Variants in TAF5L observed in about 807,000 individuals in gnomAD.
TAF5L encodes TAF5-like RNA polymerase II p300/CBP-associated factor-associated factor 65 kDa subunit 5L.
A neutral mutation model predicts 51.3 loss-of-function variants in TAF5L; 7 were observed. The observed-to-expected ratio is 0.14, with a 90% CI of 0.08 to 0.26. TAF5L has a LOEUF of 0.26. Ranked by LOEUF, TAF5L falls within the 10% of genes least tolerant of loss-of-function variation. The pLI, the probability that TAF5L is intolerant of heterozygous loss-of-function variation, is 1.00. For synonymous variants in TAF5L, 291 were observed against 308.1 expected, an observed-to-expected ratio of 0.94 and a Z score of 0.58; for missense variants, 575 against 758.9, an observed-to-expected ratio of 0.76 and a Z score of 2.85.
At chr1:229,595,366 A>C (rs1664082276) in intron 4 of TAF5L, among the ~76,000 whole-genome samples, 1 of 152,256 alleles carries the variant, frequency 6.6e-6, no homozygotes, top group East Asian at 1.9e-4. Flanking sequence ...ACAGAAATGC[A>C]AGGCCATTAC....
chr1:229,596,179 T>TAGG (rs1009414653), intron 4 of TAF5L, among the ~76,000 whole-genome samples: 1 of 151,926 alleles, frequency 6.6e-6, no homozygotes, highest in African/African-American at 2.4e-5. Flanking sequence ...GAGGCTAAGG[T>TAGG]AGGAGGCTCA....
At chr1:229,607,431 C>T (rs1439997834) in intron 3 of TAF5L, 4 of 985,286 alleles carry the variant, frequency 4.1e-6, no homozygotes, top group Non-Finnish European at 4.8e-6. Flanking sequence ...CACAACAAAG[C>T]CTTAGTTGTT....
At chr1:229,603,210 T>C (rs1353257847) in intron 3 of TAF5L, among the ~76,000 whole-genome samples, 1 of 152,208 alleles carries the variant, frequency 6.6e-6, no homozygotes, top group Non-Finnish European at 1.5e-5. Flanking sequence ...AACAATACAG[T>C]GGCTTGTACC....
Position 229,608,317 on chromosome 1 carries a change from A to G in TAF5L, c.247+1789T>C, listed in dbSNP as rs889532812. Among the ~76,000 whole-genome samples, 8 of 152,348 alleles carry G rather than the reference A, an allele frequency of 5.3e-5. No individual in the cohort carries two copies. The South Asian group carries it at 1.2e-3, about 24-fold the overall frequency. Reference sequence around the variant, plus strand: ...TCATGGTTGTTGGGTGACAGAATTCATAAGTAGAGAATAGTCTGTTTAATA... The same window carrying G: ...TCATGGTTGTTGGGTGACAGAATTCGTAAGTAGAGAATAGTCTGTTTAATA... On this transcript the variant is annotated intron_variant, in intron 3 of 4. Coordinates refer to ENST00000258281, the Ensembl canonical transcript of TAF5L.
At chr1:229,610,872 A>G (rs922788009) in intron 2 of TAF5L, among the ~76,000 whole-genome samples, 14 of 152,092 alleles carry the variant, frequency 9.2e-5, no homozygotes, top group Admixed American at 9.2e-4. Context: ...TTTCATTCTC[A>G]ACATTCTCTT....
chr1:229,597,426 T>C (rs1664166699), intron 4 of TAF5L, among the ~76,000 whole-genome samples: 1 of 152,224 alleles, frequency 6.6e-6, no homozygotes. Context: ...CAGCTGACTC[T>C]GTAGACCAAG....
chr1:229,595,183 A>G, intron 4 of TAF5L, 89 bp from the exon 5 acceptor site: 2 of 1,379,136 alleles, frequency 1.5e-6, no homozygotes, highest in Non-Finnish European at 9.8e-7. Flanking sequence ...GAGAAAAAAA[A>G]GTAGAGAACT....
rs765578368 is a variant in TAF5L at position 229,602,547 on chromosome 1, T to C, written c.620A>G (p.Tyr207Cys). ...GGAGCTGCCACTGGCATACAGCTGA[T>C]AGTCTGTTCTCTTGGCAGGCTGCAC... is the stretch of plus-strand genomic sequence containing the variant. Residue 207 changes from tyrosine to cysteine, a missense_variant, in exon 4 of 5, where the codon TAT becomes TGT. By Grantham distance (194) the Tyr-to-Cys change is radical. Coordinates refer to ENST00000258281, the Ensembl canonical transcript of TAF5L. This position sits in a 1 kb window ranked among gnomAD's most constrained non-coding sequence, Gnocchi z 4.6. 6.2e-7 allele frequency: 1 copy of C among 1,614,200 alleles called. No individual in the cohort carries two copies. Among genetic ancestry groups the C allele is most frequent in the Non-Finnish European group, 8.5e-7 (1 of 1,180,028 alleles).
At chr1:229,613,840 A>C (rs1664875944) in intron 2 of TAF5L, among the ~76,000 whole-genome samples, 1 of 152,226 alleles carries the variant, frequency 6.6e-6, no homozygotes, top group Non-Finnish European at 1.5e-5. Context: ...AAAACATTAA[A>C]AAACAAAAAC....
chr1:229,609,105 A>G (rs1365365825), intron 3 of TAF5L, among the ~76,000 whole-genome samples: 4 of 152,202 alleles, frequency 2.6e-5, no homozygotes, highest in African/African-American at 4.8e-5. Flanking sequence ...CAGGATAGAT[A>G]TTGTCCTAAG....
chr1:229,600,140 G>A, intron 4 of TAF5L: 1 of 985,184 alleles, frequency 1.0e-6, no homozygotes, highest in Non-Finnish European at 1.2e-6. Flanking sequence ...AATTTTCACT[G>A]GAGAAACATT....
In TAF5L at chr1:229,600,940, G is replaced by A. The variant is rs745543264; in HGVS notation, c.972+1255C>T. The stretch of plus-strand genomic sequence containing the variant: ...TTTTTTTTTGTATTTACAGAAAATC[G>A]AAAGCAAATGCAGGCAGTATTCCTC... On this transcript the variant is annotated intron_variant, in intron 4 of 4. Transcript: ENST00000258281. 41 of 985,210 alleles carry A rather than the reference G, an allele frequency of 4.2e-5. 1 individual carries two copies. The Admixed American group carries it at 2.0e-3, about 49-fold the overall frequency. 61.0% of individuals were successfully genotyped at this position (985,210 alleles called of 1,614,324 possible).
chr1:229,599,824 C>A, intron 4 of TAF5L: 2 of 985,336 alleles, frequency 2.0e-6, no homozygotes, highest in Non-Finnish European at 2.4e-6. Context: ...GTGTGAACAC[C>A]GTTTCAAATA....
chr1:229,600,622 C>T lies in TAF5L; in HGVS notation c.972+1573G>A, dbSNP rs543735193. 131 of 985,448 alleles carry T rather than the reference C, an allele frequency of 1.3e-4. No homozygotes were observed. The Admixed American group carries it at 1.5e-3, about 12-fold the overall frequency. The allele number at this position is 985,448 out of a possible 1,614,324, so 61.0% of individuals were successfully genotyped here. ...TTGCTCATATAAGACAGTGTCACTA[C>T]ATCACTTCCTGTCTTGGCCCCTCTC... On this transcript the variant is annotated intron_variant, in intron 4 of 4. Coordinates refer to ENST00000258281, the Ensembl canonical transcript of TAF5L.
At chr1:229,609,049 CCTT>C (rs1664700578) in intron 3 of TAF5L, among the ~76,000 whole-genome samples, 1 of 152,180 alleles carries the variant, frequency 6.6e-6, no homozygotes, top group South Asian at 2.1e-4. Flanking sequence ...GAGCCTGTCT[CCTT>C]CATTCGTTCA....
intron 1 of TAF5L, among the ~76,000 whole-genome samples, chr1:229,623,617 A>C (rs1665306126): frequency 6.6e-6 from 1 of 152,348 alleles, no homozygotes; most frequent in Middle Eastern, 3.4e-3. Flanking sequence ...CTGTCACAGA[A>C]CTTACCCTAT....
intron 4 of TAF5L, among the ~76,000 whole-genome samples, chr1:229,596,420 C>T (rs1374626577): frequency 6.6e-6 from 1 of 152,190 alleles, no homozygotes; most frequent in African/African-American, 2.4e-5. Context: ...TGCCTAGTGA[C>T]CAGCCACAAA....
chr1:229,603,652 A>C (rs1460134163), intron 3 of TAF5L, among the ~76,000 whole-genome samples: 1 of 152,236 alleles, frequency 6.6e-6, no homozygotes, highest in African/African-American at 2.4e-5. Context: ...TTTACAAATA[A>C]GACCATTTTA....
intron 4 of TAF5L, among the ~76,000 whole-genome samples, chr1:229,598,217 CATGA>C (rs1664203208): frequency 6.6e-6 from 1 of 152,240 alleles, no homozygotes; most frequent in South Asian, 2.1e-4. Flanking sequence ...TAACAGGTTT[CATGA>C]ATGATTTTTT....
Sources: allele counts gnomAD v4.1 joint callset (sites outside exome capture counted in the v4.1 genomes callset), GRCh38; gene constraint gnomAD v4.1.1; non-coding constraint Gnocchi (gnomAD v3.1); transcripts MANE v1.5; gene names NCBI Gene and HGNC (gene_info 2026-07-23, HGNC 2026-07-21).